The following TLK2 variants were observed in gnomAD, a reference collection of about 807,000 sequenced individuals.
The protein encoded by TLK2 is tousled like kinase 2.
A neutral mutation model predicts 117.3 loss-of-function variants in TLK2; 6 were observed. The ratio of observed to expected loss-of-function variants is 0.05; its 90% confidence interval spans 0.03 to 0.10. The LOEUF (loss-of-function observed/expected upper bound fraction) is 0.10. Ranked by LOEUF, TLK2 falls within the 10% of genes least tolerant of loss-of-function variation. The probability of loss-of-function intolerance (pLI) is 1.00; values close to 1 mark genes in which losing one functional copy is unlikely to be tolerated. For synonymous variants in TLK2, 257 were observed against 316.7 expected, an observed-to-expected ratio of 0.81 and a Z score of 2.00; for missense variants, 299 against 901.2, an observed-to-expected ratio of 0.33 and a Z score of 8.56.
chr17:62,551,110 C>G lies in TLK2; in HGVS notation c.532-1192C>G, dbSNP rs567321836. Among the ~76,000 whole-genome samples the G allele has an allele frequency of 1.5e-4, 23 of 152,276 alleles. No individual in the cohort carries two copies. The East Asian group carries it at 4.4e-3, about 29-fold the overall frequency. The stretch of plus-strand genomic sequence containing the variant: ...TAGGATTACAGGTGAGCCACCTGAC[C>G]CAGTCTCCTTATAGGATTTTGTAAG... On this transcript the variant is annotated intron_variant, in intron 7 of 21. Coordinates refer to ENST00000346027, the MANE Select transcript of TLK2 (RefSeq NM_006852.6).
chr17:62,474,943 G>C (rs987136253), upstream of TLK2, among the ~76,000 whole-genome samples: 2 of 152,008 alleles, frequency 1.3e-5, no homozygotes, highest in African/African-American at 4.8e-5. Context: ...ACTACAGACA[G>C]GTGCACGCCA....
At position 62,553,692 on chromosome 17, in the gene TLK2, A is replaced by G. The variant is rs1176542788; in HGVS notation, c.657A>G (p.Ala219=). The change falls in exon 9 of 22, where the codon GCA becomes GCG. Residue 219 remains alanine, a synonymous_variant. Transcript: ENST00000346027. Reference sequence around the variant, plus strand: ...ACCTCACAATAGAAAAAATATCTGCACTAGAAAACAGTAAGAATTCTGACT... The same window carrying G: ...ACCTCACAATAGAAAAAATATCTGCGCTAGAAAACAGTAAGAATTCTGACT... ...QSDLTIEKIS[A]LENSKNSDLE... 1.2e-5 allele frequency: 19 copies of G among 1,612,022 alleles called. No homozygotes were observed. Among genetic ancestry groups the G allele is most frequent in the Non-Finnish European group, 1.4e-5 (17 of 1,178,390 alleles).
At chr17:62,565,425 C>T (rs1264034518) in intron 11 of TLK2, among the ~76,000 whole-genome samples, 1 of 151,930 alleles carries the variant, frequency 6.6e-6, no homozygotes, top group Admixed American at 6.6e-5. Flanking sequence ...GAGGCCGAGG[C>T]GGGTGGATCA....
chr17:62,501,545 CA>C (rs2074196509), intron 2 of TLK2, among the ~76,000 whole-genome samples: 2 of 150,070 alleles, frequency 1.3e-5, no homozygotes, highest in African/African-American at 4.9e-5. Context: ...CCAGCCTGGG[CA>C]ATATAGCAAA....
intron 16 of TLK2, among the ~76,000 whole-genome samples, chr17:62,595,361 T>A (rs1214243284): frequency 6.8e-6 from 1 of 147,100 alleles, no homozygotes; most frequent in Non-Finnish European, 1.5e-5. Context: ...AGTAAATACA[T>A]AAACCAATAA....
intron 12 of TLK2, among the ~76,000 whole-genome samples, chr17:62,574,689 T>A (rs1310729928): frequency 1.3e-5 from 2 of 152,094 alleles, no homozygotes; most frequent in African/African-American, 2.4e-5. Flanking sequence ...CTAGTTTTTG[T>A]ATTTTTAGTA....
chr17:62,506,930 T>C (rs765420752), intron 2 of TLK2, among the ~76,000 whole-genome samples: 51 of 152,314 alleles, frequency 3.3e-4, no homozygotes, highest in Non-Finnish European at 6.0e-4. Context: ...TTTTCAGTTA[T>C]ATAAAGAATG....
chr17:62,585,975 C>T lies in TLK2; in HGVS notation c.1369-160C>T, dbSNP rs944627945. The T allele has an allele frequency of 4.6e-5, 25 of 539,700 alleles. No individual in the cohort carries two copies. The African/African-American group carries it at 4.8e-4, about 10-fold the overall frequency. 33.4% of individuals were successfully genotyped at this position (539,700 alleles called of 1,614,324 possible). On this transcript the variant is annotated intron_variant, in intron 15 of 21. Transcript: ENST00000346027. ...TGGAGACTTCTAAATTATCTAATCACAAGTTTCAAGAAGGTGCTTGCAACA... is the reference window on the plus strand; with the variant it reads ...TGGAGACTTCTAAATTATCTAATCATAAGTTTCAAGAAGGTGCTTGCAACA...
chr17:62,552,274 T>C (rs1260290744), intron 7 of TLK2, 28 bp from the exon 8 acceptor site: 3 of 1,584,158 alleles, frequency 1.9e-6, no homozygotes, highest in African/African-American at 1.3e-5. Flanking sequence ...CAAACTTTCC[T>C]GTGATTGGTA....
intron 1 of TLK2, among the ~76,000 whole-genome samples, chr17:62,472,343 G>A (rs1259334207): frequency 6.6e-6 from 1 of 152,166 alleles, no homozygotes; most frequent in Non-Finnish European, 1.5e-5. Context: ...TCTGTGGGGA[G>A]CTCCTGGCAG....
chr17:62,526,424 A>C (rs541636749), intron 6 of TLK2, among the ~76,000 whole-genome samples: 1 of 152,156 alleles, frequency 6.6e-6, no homozygotes, highest in Admixed American at 6.5e-5. Context: ...TTACTGAGAA[A>C]ATAGAAACAA....
At chr17:62,523,011 CAAGTA>C (rs2076143790) in intron 4 of TLK2, 118 bp from the exon 5 acceptor site, 1 of 1,065,934 alleles carries the variant, frequency 9.4e-7, no homozygotes, top group African/African-American at 1.7e-5. Context: ...TCATTTGTTA[CAAGTA>C]AAGCTGACAC....
Position 62,520,086 on chromosome 17 carries a change from G to A in TLK2, c.82-687G>A, listed in dbSNP as rs139503290. Among the ~76,000 whole-genome samples, 199 of 152,302 alleles carry A rather than the reference G, an allele frequency of 1.3e-3. 4 individuals carry two copies. In the East Asian group the frequency reaches 0.031, roughly 24 times the overall value. ...GTAGACTAGGTGGGGACAATAGCAA[G>A]CTTTTCTGTGAATGCTACCCCAGCT... On this transcript the variant is annotated intron_variant, in intron 2 of 21. Transcript: ENST00000346027.
At position 62,546,344 on chromosome 17, in the gene TLK2, G is replaced by GTT. The variant is rs61100480; in HGVS notation, c.532-5943_532-5942dup. Among the ~76,000 whole-genome samples the GTT allele has an allele frequency of 1.9e-3, 44 of 23,352 alleles. 9 individuals carry two copies. The highest frequency in any genetic ancestry group is 3.8e-3 in the Admixed American group (4 of 1,042). 15.3% of individuals were successfully genotyped at this position (23,352 alleles called of 152,430 possible). A position where few individuals can be genotyped will look rare whatever the true frequency, so the allele number is the denominator to read the frequency against. Reference sequence around the variant, plus strand: ...GTTCCCTATTTTGAGTTTGTTGATTGTTTTTTTTTTTTTTTTACATAATGA... The same window carrying GTT: ...GTTCCCTATTTTGAGTTTGTTGATTGTTTTTTTTTTTTTTTTTTACATAATGA... On this transcript the variant is annotated intron_variant, in intron 7 of 21. Coordinates refer to ENST00000346027, the MANE Select transcript of TLK2 (RefSeq NM_006852.6).
At chr17:62,495,653 T>TTATATATATATATATATA (rs143548926) in intron 2 of TLK2, among the ~76,000 whole-genome samples, 2 of 137,904 alleles carry the variant, frequency 1.5e-5, no homozygotes, top group African/African-American at 5.3e-5. Flanking sequence ...ATTTTAAAAA[T>TTATATATATATATATATA]TATATATATA....
At chr17:62,568,663 C>G (rs530359352) in intron 11 of TLK2, among the ~76,000 whole-genome samples, 1 of 152,058 alleles carries the variant, frequency 6.6e-6, no homozygotes, top group South Asian at 2.1e-4. Flanking sequence ...CGGCTCACTG[C>G]AACCTCTGCC....
chr17:62,509,208 CCT>C (rs1171072476), intron 2 of TLK2, among the ~76,000 whole-genome samples: 3 of 152,274 alleles, frequency 2.0e-5, no homozygotes, highest in South Asian at 4.1e-4. Flanking sequence ...CCTACCTCAG[CCT>C]CCCAAGTAGC....
intron 2 of TLK2, among the ~76,000 whole-genome samples, chr17:62,509,185 C>T (rs1041661146): frequency 6.6e-6 from 1 of 152,100 alleles, no homozygotes; most frequent in African/African-American, 2.4e-5. Context: ...ACCTCCTGGG[C>T]TCAGGCAGTT....
At chr17:62,511,284 G>C (rs556175368) in intron 2 of TLK2, among the ~76,000 whole-genome samples, 1 of 152,240 alleles carries the variant, frequency 6.6e-6, no homozygotes, top group East Asian at 1.9e-4. Context: ...ACTCTCCCTT[G>C]AAAACTTAAT....
Sources: allele counts gnomAD v4.1 joint callset (sites outside exome capture counted in the v4.1 genomes callset), GRCh38; gene constraint gnomAD v4.1.1; transcripts MANE v1.5; gene names NCBI Gene and HGNC (gene_info 2026-07-23, HGNC 2026-07-21).